Variants in PIK3R2 observed in about 807,000 individuals in gnomAD.
PIK3R2 encodes the protein phosphoinositide-3-kinase regulatory subunit 2, also known as phosphatidylinositol 3-kinase regulatory subunit beta.
Under a neutral mutation model 78.5 loss-of-function variants are expected in PIK3R2, and 40 were observed. The ratio of observed to expected loss-of-function variants is 0.51; its 90% confidence interval spans 0.40 to 0.66. The LOEUF (loss-of-function observed/expected upper bound fraction) is 0.66, where lower values mean the gene tolerates loss of function less well. Among genes scored for constraint, PIK3R2 ranks in the 30% least tolerant of loss-of-function variants. The probability of loss-of-function intolerance (pLI) is 0.00; values close to 1 mark genes in which losing one functional copy is unlikely to be tolerated. For missense variants in PIK3R2, 880 were observed against 1,026.6 expected (o/e 0.86, Z 1.95); for synonymous variants, 473 against 457.7 (o/e 1.03, Z -0.43).
Position 18,169,460 on chromosome 19 carries a change from C to T in PIK3R2, c.*166C>T. 1 of 365,716 alleles carries T rather than the reference C, an allele frequency of 2.7e-6. No individual in the cohort carries two copies. The highest frequency in any genetic ancestry group is 4.9e-6 in the Non-Finnish European group (1 of 204,512). 22.7% of individuals were successfully genotyped at this position (365,716 alleles called of 1,614,324 possible). A position where few individuals can be genotyped will look rare whatever the true frequency, so the allele number is the denominator to read the frequency against. ...CCCTCTTTCTCTTTCCTTCCCTCCCCCATTCTCCAGATCTCCCTCTGTCTC... is the reference window on the plus strand; with the variant it reads ...CCCTCTTTCTCTTTCCTTCCCTCCCTCATTCTCCAGATCTCCCTCTGTCTC... On this transcript the variant is annotated 3_prime_UTR_variant, in exon 16 of 16. Transcript: ENST00000222254.
At position 18,156,272 on chromosome 19, in the gene PIK3R2, T is replaced by A; in HGVS notation, c.322+71T>A. On this transcript the variant is annotated intron_variant, in intron 2 of 15. Coordinates refer to ENST00000222254, the MANE Select transcript of PIK3R2 (RefSeq NM_005027.4). The surrounding 1 kb of genome is among the most constrained non-coding windows in gnomAD (Gnocchi z 4.2). ...ACCCTTGGTCTCCTCTTCTGTCCAG[T>A]GAGGCAATGGGATCTCCAAGGAAGG... is the stretch of plus-strand genomic sequence containing the variant. The A allele has an allele frequency of 8.5e-7, 1 of 1,173,532 alleles. No homozygotes were observed. Among genetic ancestry groups the A allele is most frequent in the Non-Finnish European group, 1.2e-6 (1 of 864,916 alleles). 72.7% of individuals were successfully genotyped at this position (1,173,532 alleles called of 1,614,324 possible).
At chr19:18,153,811 GCACAC>G (rs2043648134) in intron 1 of PIK3R2, among the ~76,000 whole-genome samples, 1 of 152,128 alleles carries the variant, frequency 6.6e-6, no homozygotes, top group Non-Finnish European at 1.5e-5. Flanking sequence ...CCCGGGGCGC[GCACAC>G]CGGGGCGTGG....
intron 1 of PIK3R2, among the ~76,000 whole-genome samples, chr19:18,153,677 G>A (rs1185658547): frequency 6.6e-6 from 1 of 152,194 alleles, no homozygotes; most frequent in Non-Finnish European, 1.5e-5. Flanking sequence ...CCCTAGCCGG[G>A]TGGCCGGGTC....
chr19:18,154,176 C>G (rs191292727), intron 1 of PIK3R2, among the ~76,000 whole-genome samples: 2 of 152,306 alleles, frequency 1.3e-5, no homozygotes, highest in African/African-American at 4.8e-5. Context: ...TAGAACAGCA[C>G]GTCCATCCCC....
Position 18,169,555 on chromosome 19 carries a change from A to C in PIK3R2, c.*261A>C. ...GTCCTAACTCCCCCACCCCATATCT[A>C]CGTGTCCTCCGGGCATTGCCCTCTC... is the stretch of plus-strand genomic sequence containing the variant. On this transcript the variant is annotated 3_prime_UTR_variant, in exon 16 of 16. Coordinates refer to ENST00000222254, the MANE Select transcript of PIK3R2 (RefSeq NM_005027.4). The C allele has an allele frequency of 3.2e-6, 1 of 313,094 alleles. No homozygotes were observed. Among genetic ancestry groups the C allele is most frequent in the Non-Finnish European group, 5.9e-6 (1 of 169,732 alleles). The allele number at this position is 313,094 out of a possible 1,614,324, so 19.4% of individuals were successfully genotyped here.
intron 11 of PIK3R2, 48 bp from the exon 12 acceptor site, chr19:18,166,112 G>A: frequency 6.2e-6 from 10 of 1,612,324 alleles, no homozygotes; most frequent in Non-Finnish European, 8.5e-6. Flanking sequence ...CCTCACGAGG[G>A]CCTTTTGGGG....
At position 18,161,045 on chromosome 19, in the gene PIK3R2, C is replaced by T. The variant is rs770578236; in HGVS notation, c.467-9C>T. ...CATGAGTTGGACGTGTGCCCCCCTG[C>T]ACCCGCAGACTGGTCCCTGAGCGAC... On this transcript the variant is annotated splice_polypyrimidine_tract_variant and intron_variant, in intron 4 of 15. Coordinates refer to ENST00000222254, the MANE Select transcript of PIK3R2 (RefSeq NM_005027.4). This position sits in a 1 kb window ranked among gnomAD's most constrained non-coding sequence, Gnocchi z 5.3. 6.2e-7 allele frequency: 1 copy of T among 1,611,226 alleles called. No individual in the cohort carries two copies.
At chr19:18,166,409 G>C in intron 12 of PIK3R2, 107 bp downstream of exon 12, 1 of 926,270 alleles carries the variant, frequency 1.1e-6, no homozygotes, top group Non-Finnish European at 1.7e-6. Flanking sequence ...GCAAAGAGTA[G>C]TCTGTTGAAA....
chr19:18,153,870 C>G (rs976160883), intron 1 of PIK3R2, among the ~76,000 whole-genome samples: 5 of 152,210 alleles, frequency 3.3e-5, no homozygotes, highest in Non-Finnish European at 7.4e-5. Flanking sequence ...TGGGCATCCC[C>G]TCTCGGGGCC....
Position 18,169,244 on chromosome 19 carries a change from G to A in PIK3R2, c.2137G>A (p.Ala713Thr), listed in dbSNP as rs775677202. The A allele has an allele frequency of 1.3e-6, 2 of 1,585,330 alleles. No individual in the cohort carries two copies. Among genetic ancestry groups the A allele is most frequent in the South Asian group, 1.1e-5 (1 of 89,576 alleles). ...QHNDALTVTL[A>T]HPVRAPGPGP... The stretch of plus-strand genomic sequence containing the variant: ...CAACGACGCGCTCACCGTCACCCTG[G>A]CGCACCCAGTGCGCGCCCCGGGCCC... Residue 713 changes from alanine to threonine, a missense_variant, in exon 16 of 16, where the codon GCG becomes ACG. Physicochemically the swap from Ala to Thr is moderately conservative, Grantham distance 58. This residue lies in a region of PIK3R2 where 268 missense variants were observed against 299.1 expected (regional missense o/e 0.90). Coordinates refer to ENST00000222254, the MANE Select transcript of PIK3R2 (RefSeq NM_005027.4).
rs2043845220 is a variant in PIK3R2 at position 18,169,311 on chromosome 19, C to CCAAGCA, written c.*18_*23dup. On this transcript the variant is annotated 3_prime_UTR_variant, in exon 16 of 16. Transcript: ENST00000222254. ...GCCCGCTGAGCACCGAGGACCCGCCCCAAGCAGAGCCGCCCCTGGGCCCGT... is the reference window on the plus strand; with the variant it reads ...GCCCGCTGAGCACCGAGGACCCGCCCCAAGCACAAGCAGAGCCGCCCCTGGGCCCGT... 2.2e-6 allele frequency: 3 copies of CCAAGCA among 1,389,422 alleles called. No homozygotes were observed. Among genetic ancestry groups the CCAAGCA allele is most frequent in the African/African-American group, 3.1e-5 (2 of 65,126 alleles). 86.1% of individuals were successfully genotyped at this position (1,389,422 alleles called of 1,614,324 possible). A position where few individuals can be genotyped will look rare whatever the true frequency, so the allele number is the denominator to read the frequency against.
At chr19:18,162,870 A>T (rs1270520263) in intron 9 of PIK3R2, 97 bp from the exon 10 acceptor site, 1 of 1,156,828 alleles carries the variant, frequency 8.6e-7, no homozygotes, top group Non-Finnish European at 1.2e-6. Flanking sequence ...AGCCTGGACA[A>T]CAGAGCAGCA....
rs1568640355 is a variant in PIK3R2 at position 18,168,909 on chromosome 19, C to T, written c.1979+13C>T. 18 of 1,608,200 alleles carry T rather than the reference C, an allele frequency of 1.1e-5. No homozygotes were observed. Among genetic ancestry groups the T allele is most frequent in the Non-Finnish European group, 1.5e-5 (18 of 1,177,216 alleles). ...CCTGCTCCGTGGTGTGAGTGGACCGCAGCGGTGGGGATTCCCGCGTCCCTC... is the reference window on the plus strand; with the variant it reads ...CCTGCTCCGTGGTGTGAGTGGACCGTAGCGGTGGGGATTCCCGCGTCCCTC... On this transcript the variant is annotated intron_variant, in intron 15 of 15. Transcript: ENST00000222254. The surrounding 1 kb of genome is among the most constrained non-coding windows in gnomAD (Gnocchi z 4.1).
chr19:18,168,916 G>A lies in PIK3R2; in HGVS notation c.1979+20G>A, dbSNP rs1414314020. The A allele has an allele frequency of 3.1e-6, 5 of 1,604,406 alleles. No homozygotes were observed. The African/African-American group carries it at 5.4e-5, about 17-fold the overall frequency. ...CGTGGTGTGAGTGGACCGCAGCGGT[G>A]GGGATTCCCGCGTCCCTCCCAGAGC... On this transcript the variant is annotated intron_variant, in intron 15 of 15. Transcript: ENST00000222254. The surrounding 1 kb of genome is among the most constrained non-coding windows in gnomAD (Gnocchi z 4.1).
In PIK3R2 at chr19:18,167,975, C is replaced by A. The variant is rs1285894665; in HGVS notation, c.1737-500C>A. Among the ~76,000 whole-genome samples, 1 of 152,254 alleles carries A rather than the reference C, an allele frequency of 6.6e-6. No individual in the cohort carries two copies. The highest frequency in any genetic ancestry group is 1.5e-5 in the Non-Finnish European group (1 of 68,038). ...TCAAATCCTGCCCCCACCCACCAAC[C>A]TCCTGAAGACCTCAGCCAGAGCCTC... On this transcript the variant is annotated intron_variant, in intron 13 of 15. Coordinates refer to ENST00000222254, the MANE Select transcript of PIK3R2 (RefSeq NM_005027.4). This position sits in a 1 kb window ranked among gnomAD's most constrained non-coding sequence, Gnocchi z 4.5.
intron 11 of PIK3R2, among the ~76,000 whole-genome samples, chr19:18,164,030 G>A (rs997789805): frequency 1.3e-5 from 2 of 152,112 alleles, no homozygotes; most frequent in Non-Finnish European, 1.5e-5. Flanking sequence ...AGAGGCTGAG[G>A]CAGGAGAATC....
rs1177609489 is a variant in PIK3R2 at position 18,163,305 on chromosome 19, C to T, written c.1333C>T (p.Gln445Ter). ...KEDSVEAVGAQLKVYHQQYQD... is the reference protein window; with the variant it reads ...KEDSVEAVGA The stretch of plus-strand genomic sequence containing the variant: ...GGACAGCGTGGAGGCAGTGGGCGCC[C>T]AGCTTAAGGTCTATCACCAGCAGTA... Residue 445 changes from glutamine (Q) to a stop codon, truncating the protein, a stop_gained, in exon 11 of 16, where the codon CAG becomes TAG. Transcript: ENST00000222254. LOFTEE classifies it high-confidence loss of function. 1 of 1,614,012 alleles carries T rather than the reference C, an allele frequency of 6.2e-7. No homozygotes were observed. Among genetic ancestry groups the T allele is most frequent in the Non-Finnish European group, 8.5e-7 (1 of 1,179,978 alleles).
At position 18,167,884 on chromosome 19, in the gene PIK3R2, A is replaced by G. The variant is rs2043825317; in HGVS notation, c.1736+578A>G. Among the ~76,000 whole-genome samples the G allele has an allele frequency of 6.6e-6, 1 of 152,000 alleles. No individual in the cohort carries two copies. The highest frequency in any genetic ancestry group is 6.6e-5 in the Admixed American group (1 of 15,246). On this transcript the variant is annotated intron_variant, in intron 13 of 15. Coordinates refer to ENST00000222254, the MANE Select transcript of PIK3R2 (RefSeq NM_005027.4). This position sits in a 1 kb window ranked among gnomAD's most constrained non-coding sequence, Gnocchi z 4.5. Reference sequence around the variant, plus strand: ...GCCTCAGAAAAGAAAAGAAAAAAAAAATCGCCTGCTGTGCAACCTACCATG... The same window carrying G: ...GCCTCAGAAAAGAAAAGAAAAAAAAGATCGCCTGCTGTGCAACCTACCATG...
At chr19:18,154,304 G>A (rs1345544311) in intron 1 of PIK3R2, among the ~76,000 whole-genome samples, 3 of 151,904 alleles carry the variant, frequency 2.0e-5, no homozygotes, top group Admixed American at 6.6e-5. Flanking sequence ...CCCTGCTGCC[G>A]GCAGCCTCCC....
Sources: gnomAD v4.1 joint callset for allele counts (sites outside exome capture counted in the v4.1 genomes callset) on GRCh38, gnomAD v4.1.1 for gene constraint, gnomAD v4.1.1 regional missense constraint, Gnocchi (gnomAD v3.1) non-coding constraint, MANE v1.5 for transcripts, NCBI Gene and HGNC (gene_info 2026-07-23, HGNC 2026-07-21) for gene names.